Variants in ARHGEF17 observed in about 807,000 individuals in gnomAD.
ARHGEF17 encodes the protein Rho guanine nucleotide exchange factor 17.
A neutral mutation model predicts 174.0 loss-of-function variants in ARHGEF17; 80 were observed. That is an observed-to-expected ratio of 0.46 (90% CI 0.38 to 0.55). The LOEUF (loss-of-function observed/expected upper bound fraction) is 0.55. ARHGEF17 is among the 20% of genes least tolerant of loss of function. ARHGEF17 has a pLI of 0.00. For synonymous variants in ARHGEF17, 1,311 were observed against 1,189.1 expected (o/e 1.10, Z -2.11); for missense variants, 2,886 against 2,839.7 (o/e 1.02, Z -0.37).
chr11:73,330,038 T>G (rs1865180598), intron 1 of ARHGEF17, among the ~76,000 whole-genome samples: 1 of 152,254 alleles, frequency 6.6e-6, no homozygotes, highest in Admixed American at 6.5e-5. Context: ...GAGCATCTTT[T>G]TCTATCTCCA....
intron 1 of ARHGEF17, chr11:73,342,980 TC>T (rs1865396849): frequency 4.6e-6 from 1 of 215,660 alleles, no homozygotes; most frequent in African/African-American, 2.4e-5. Flanking sequence ...AGCGCTCAGA[TC>T]GACGCTGGAA....
At chr11:73,343,423 C>A (rs61505022) in intron 1 of ARHGEF17, 96,688 of 389,490 alleles carry the variant, frequency 0.25, 15,388 homozygotes, top group African/African-American at 0.57. Flanking sequence ...CTGGAGATTG[C>A]CGGTGAGGAA....
intron 1 of ARHGEF17, among the ~76,000 whole-genome samples, chr11:73,312,436 G>A (rs1864854543): frequency 6.6e-6 from 1 of 152,158 alleles, no homozygotes; most frequent in Non-Finnish European, 1.5e-5. Flanking sequence ...TGTGACATTG[G>A]CCTTTCTCTG....
intron 1 of ARHGEF17, among the ~76,000 whole-genome samples, chr11:73,344,547 T>C (rs997915199): frequency 1.3e-5 from 2 of 151,576 alleles, no homozygotes; most frequent in Non-Finnish European, 2.9e-5. Flanking sequence ...GGCGGGGGAG[T>C]GTGGCTGAGG....
Position 73,311,105 on chromosome 11 carries a change from C to A in ARHGEF17, c.2467C>A (p.Pro823Thr). Residue 823 changes from proline (P) to threonine (T), a missense_variant, in exon 1 of 21, where the codon CCC (proline) becomes ACC (threonine). By Grantham distance (38) the Pro-to-Thr change is conservative (BLOSUM62 -1). Coordinates refer to ENST00000263674, the MANE Select transcript of ARHGEF17 (RefSeq NM_014786.4). ...GGACGACAGGATTGCTGGCAAAGCC[C>A]CCAAGAAGAAATCCCTGAGTGACCC... ...VVDDRIAGKA[P>T]KKKSLSDPSR... The A allele has an allele frequency of 6.2e-7, 1 of 1,606,324 alleles. No homozygotes were observed.
At chr11:73,332,524 T>G (rs1161999559) in intron 1 of ARHGEF17, among the ~76,000 whole-genome samples, 2 of 152,202 alleles carry the variant, frequency 1.3e-5, no homozygotes, top group Non-Finnish European at 2.9e-5. Context: ...CATGAATCTC[T>G]GGGCTTTCCT....
intron 1 of ARHGEF17, among the ~76,000 whole-genome samples, chr11:73,332,039 A>G (rs1865212533): frequency 6.6e-6 from 1 of 152,216 alleles, no homozygotes; most frequent in African/African-American, 2.4e-5. Flanking sequence ...GAGGGCTGCC[A>G]GGGAGGCCTG....
chr11:73,327,415 T>A (rs544600507), intron 1 of ARHGEF17, among the ~76,000 whole-genome samples: 1 of 152,248 alleles, frequency 6.6e-6, no homozygotes, highest in South Asian at 2.1e-4. Flanking sequence ...GAGTTTGTAG[T>A]GTGTAAAAGG....
At chr11:73,350,639 G>A (rs1865538614) in intron 2 of ARHGEF17, among the ~76,000 whole-genome samples, 1 of 152,212 alleles carries the variant, frequency 6.6e-6, no homozygotes, top group Non-Finnish European at 1.5e-5. Context: ...TTAGGAGCCA[G>A]AAGGAGGGAG....
At chr11:73,343,814 C>A (rs2134409224) in intron 1 of ARHGEF17, among the ~76,000 whole-genome samples, 1 of 152,246 alleles carries the variant, frequency 6.6e-6, no homozygotes, top group East Asian at 1.9e-4. Context: ...GGACTCTGTG[C>A]CATGCTCCCG....
At chr11:73,333,147 G>A (rs1246453804) in intron 1 of ARHGEF17, among the ~76,000 whole-genome samples, 1 of 152,170 alleles carries the variant, frequency 6.6e-6, no homozygotes, top group Non-Finnish European at 1.5e-5. Flanking sequence ...GTACTGGGTG[G>A]TTCCACTTAT....
Position 73,356,161 on chromosome 11 carries a change from C to T in ARHGEF17, c.3664-14C>T, listed in dbSNP as rs552368843. 3 of 1,613,450 alleles carry T rather than the reference C, an allele frequency of 1.9e-6. No individual in the cohort carries two copies. The highest frequency in any genetic ancestry group is 1.3e-5 in the African/African-American group (1 of 75,016). On this transcript the variant is annotated splice_polypyrimidine_tract_variant and intron_variant, in intron 5 of 20. Coordinates refer to ENST00000263674, the MANE Select transcript of ARHGEF17 (RefSeq NM_014786.4). Reference sequence around the variant, plus strand: ...TAGCTAAGCAGTCAGGTCTGCTCCCCATTCCCACCCCAGGACCTCCTGAAG... The same window carrying T: ...TAGCTAAGCAGTCAGGTCTGCTCCCTATTCCCACCCCAGGACCTCCTGAAG...
intron 9 of ARHGEF17, 57 bp from the exon 10 acceptor site, chr11:73,359,777 C>A: frequency 7.0e-7 from 1 of 1,432,120 alleles, no homozygotes; most frequent in Non-Finnish European, 9.4e-7. Flanking sequence ...GAGAGTCTGT[C>A]CCAGCCTGAC....
Position 73,342,044 on chromosome 11 carries a change from G to A in ARHGEF17, c.3193-4839G>A, listed in dbSNP as rs1865378041. ...TTCTGCTGTCACTCTGGGCTTTCAA[G>A]CAGCACGTTATGAGGATCCTGCTTG... On this transcript the variant is annotated intron_variant, in intron 1 of 20. Coordinates refer to ENST00000263674, the MANE Select transcript of ARHGEF17 (RefSeq NM_014786.4). 2.0e-5 allele frequency among the ~76,000 whole-genome samples: 3 copies of A among 152,120 alleles called. No individual in the cohort carries two copies. In the South Asian group the frequency reaches 6.2e-4, roughly 32 times the overall value.
At position 73,352,996 on chromosome 11, in the gene ARHGEF17, C is replaced by A; in HGVS notation, c.3437C>A (p.Ala1146Asp). ...TGGCATGCCCAGCAGAAGGTGGGAG[C>A]CCTGCTCGTCCAGTCGGTGAGTGGC... ...QTWHAQQKVGALLVQSFSKDV... is the reference protein window; with the variant it reads ...QTWHAQQKVGDLLVQSFSKDV... The change falls in exon 3 of 21, where the codon GCC becomes GAC. Residue 1146 changes from alanine to aspartate, a missense_variant. By Grantham distance (126) the Ala-to-Asp change is moderately radical. Transcript: ENST00000263674. 6.2e-7 allele frequency: 1 copy of A among 1,613,768 alleles called. No individual in the cohort carries two copies. The highest frequency in any genetic ancestry group is 8.5e-7 in the Non-Finnish European group (1 of 1,179,930).
chr11:73,363,047 GAGCAGGGC>G (rs1181758485), intron 14 of ARHGEF17, among the ~76,000 whole-genome samples, 151 bp from the exon 15 acceptor site: 11 of 152,212 alleles, frequency 7.2e-5, no homozygotes, highest in African/African-American at 2.2e-4. Context: ...AGCTGTCGGT[GAGCAGGGC>G]AGCAGGGCAG....
At chr11:73,313,397 C>G (rs1864874440) in intron 1 of ARHGEF17, among the ~76,000 whole-genome samples, 1 of 152,170 alleles carries the variant, frequency 6.6e-6, no homozygotes, top group Non-Finnish European at 1.5e-5. Context: ...TTCTGGGAGC[C>G]TTGAAGGCTC....
At position 73,310,408 on chromosome 11, in the gene ARHGEF17, A is replaced by C. The variant is rs963268019; in HGVS notation, c.1770A>C (p.Gln590His). The C allele has an allele frequency of 5.0e-6, 8 of 1,613,826 alleles. No individual in the cohort carries two copies. The highest frequency in any genetic ancestry group is 6.8e-6 in the Non-Finnish European group (8 of 1,180,024). The change falls in exon 1 of 21, where the codon CAA becomes CAC. Residue 590 changes from glutamine (Q) to histidine (H), a missense_variant. Transcript: ENST00000263674. The part of the protein sequence containing the change: ...EDPLPLIVQD[Q>H]YVQEARQVFE... ...CGCTGCCCCTCATCGTCCAGGACCA[A>C]TATGTGCAGGAGGCCCGCCAGGTTT...
Position 73,310,866 on chromosome 11 carries a change from G to C in ARHGEF17, c.2228G>C (p.Arg743Pro), listed in dbSNP as rs1007441387. The change falls in exon 1 of 21, where the codon CGG (arginine) becomes CCG (proline). Residue 743 changes from arginine (R) to proline (P), a missense_variant. Transcript: ENST00000263674. The part of the protein sequence containing the change: ...SLSDPIPQRH[R>P]AATSEEPTGF... ...AGTGACCCAATTCCTCAGCGCCACC[G>C]GGCTGCCACCTCTGAAGAGCCTACT... is the stretch of plus-strand genomic sequence containing the variant. The C allele has an allele frequency of 5.6e-6, 9 of 1,612,022 alleles. No individual in the cohort carries two copies. Among genetic ancestry groups the C allele is most frequent in the Non-Finnish European group, 7.6e-6 (9 of 1,179,176 alleles).
Sources: gnomAD v4.1 joint callset for allele counts (sites outside exome capture counted in the v4.1 genomes callset) on GRCh38, gnomAD v4.1.1 for gene constraint, MANE v1.5 for transcripts, NCBI Gene and HGNC (gene_info 2026-07-23, HGNC 2026-07-21) for gene names.